The following CTNS variants were observed in gnomAD, a reference collection of about 807,000 sequenced individuals.
CTNS encodes the protein cystinosin.
A neutral mutation model predicts 43.7 loss-of-function variants in CTNS; 27 were observed. The ratio of observed to expected loss-of-function variants is 0.62; its 90% CI spans 0.46 to 0.85. The LOEUF (loss-of-function observed/expected upper bound fraction) is 0.85, where lower values mean the gene tolerates loss of function less well. Among genes scored for constraint, CTNS ranks in the 40% least tolerant of loss-of-function variants. The pLI is 0.00. For missense variants in CTNS, 457 were observed against 475.4 expected (o/e 0.96, Z 0.36); for synonymous variants, 187 against 190.6 (o/e 0.98, Z 0.16).
chr17:3,653,666 G>A (rs1336412378), intron 5 of CTNS, among the ~76,000 whole-genome samples: 2 of 151,980 alleles, frequency 1.3e-5, no homozygotes, highest in South Asian at 2.1e-4. Flanking sequence ...ACTTGAGGCT[G>A]GGAGTTTGAG....
intron 3 of CTNS, among the ~76,000 whole-genome samples, chr17:3,643,716 G>A (rs1000052522): frequency 1.3e-5 from 2 of 152,064 alleles, no homozygotes; most frequent in Admixed American, 6.6e-5. Context: ...GTAGACGTGC[G>A]CCACCACATC....
At chr17:3,656,453 C>A in intron 7 of CTNS, 34 bp from the exon 8 acceptor site, 2 of 1,440,612 alleles carry the variant, frequency 1.4e-6, no homozygotes, top group South Asian at 1.2e-5. Context: ...CAGTCTTCAC[C>A]CCCTGCCCTG....
In CTNS at chr17:3,662,814, T is replaced by C. The variant is rs1232822148; in HGVS notation, c.*2445T>C. On this transcript the variant is annotated 3_prime_UTR_variant, in exon 12 of 12. Coordinates refer to ENST00000046640, the MANE Select transcript of CTNS (RefSeq NM_004937.3). Reference sequence around the variant, plus strand: ...AGAACAGTGGGGGATGGGGCCATCATTAAAACCACAGCTCTGGCCCCAATA... The same window carrying C: ...AGAACAGTGGGGGATGGGGCCATCACTAAAACCACAGCTCTGGCCCCAATA... 6.6e-6 allele frequency: 1 copy of C among 152,066 alleles called. No individual in the cohort carries two copies. Among genetic ancestry groups the C allele is most frequent in the Non-Finnish European group, 1.5e-5 (1 of 68,004 alleles). 9.4% of individuals were successfully genotyped at this position (152,066 alleles called of 1,614,324 possible).
intron 3 of CTNS, among the ~76,000 whole-genome samples, chr17:3,642,682 C>T (rs2075749915): frequency 6.6e-6 from 1 of 151,892 alleles, no homozygotes; most frequent in Non-Finnish European, 1.5e-5. Flanking sequence ...AGCAATTCCC[C>T]ATCTCAAAAA....
intron 3 of CTNS, among the ~76,000 whole-genome samples, chr17:3,643,129 A>G (rs2075759931): frequency 6.6e-6 from 1 of 152,014 alleles, no homozygotes; most frequent in Non-Finnish European, 1.5e-5. Context: ...CCTGGCTAAC[A>G]TGGTGAAATC....
chr17:3,657,845 G>C, intron 9 of CTNS, 160 bp from the exon 10 acceptor site: 1 of 724,736 alleles, frequency 1.4e-6, no homozygotes, highest in Non-Finnish European at 2.4e-6. Context: ...ATGTTCCCCT[G>C]CCACAACCCC....
chr17:3,639,526 G>A (rs1025169175), intron 2 of CTNS, among the ~76,000 whole-genome samples: 3 of 151,924 alleles, frequency 2.0e-5, no homozygotes, highest in Non-Finnish European at 4.4e-5. Flanking sequence ...AAGTTAGCCG[G>A]GCATGGTGGG....
In CTNS at chr17:3,655,308, C is replaced by G; in HGVS notation, c.417C>G (p.Ser139=). The G allele has an allele frequency of 6.2e-7, 1 of 1,614,200 alleles. No homozygotes were observed. The highest frequency in any genetic ancestry group is 8.5e-7 in the Non-Finnish European group (1 of 1,180,042). The change falls in exon 7 of 12, where the codon TCC becomes TCG. Residue 139 remains serine, a synonymous_variant. Transcript: ENST00000046640. ...VIGWIYFVAW[S]ISFYPQVIMN... is the part of the protein sequence containing the mutation. ...GCTGGATCTACTTTGTGGCCTGGTC[C>G]ATCTCCTTCTACCCTCAGGTGATCA...
chr17:3,648,786 G>A, intron 4 of CTNS, 61 bp from the exon 5 acceptor site: 1 of 1,335,268 alleles, frequency 7.5e-7, no homozygotes, highest in Non-Finnish European at 1.1e-6. Flanking sequence ...GAAATCCAGA[G>A]GGTTGGTTGA....
In CTNS at chr17:3,655,047, A is replaced by G. The variant is rs1567709324; in HGVS notation, c.275A>G (p.Gln92Arg). The part of the protein sequence containing the change: ...VTNSSFQVTS[Q>R]NVGQLTVYLH... ...AACTCCTCTTTTCAAGTGACATCTC[A>G]AAATGTTGGACAACTTACTGTTTAT... Residue 92 changes from glutamine to arginine, a missense_variant, in exon 6 of 12, where the codon CAA becomes CGA. Coordinates refer to ENST00000046640, the MANE Select transcript of CTNS (RefSeq NM_004937.3). 6.2e-6 allele frequency: 10 copies of G among 1,614,042 alleles called. No individual in the cohort carries two copies. Among genetic ancestry groups the G allele is most frequent in the Non-Finnish European group, 8.5e-6 (10 of 1,179,872 alleles).
At chr17:3,650,075 CTTGA>C (rs1457080479) in intron 5 of CTNS, 228 of 1,457,382 alleles carry the variant, frequency 1.6e-4, no homozygotes, top group Non-Finnish European at 1.7e-4. Flanking sequence ...TATTAATTAG[CTTGA>C]TTTAGTCATT....
rs934653488 is a variant in CTNS at position 3,662,553 on chromosome 17, G to T, written c.*2184G>T. Among the ~76,000 whole-genome samples the T allele has an allele frequency of 1.2e-4, 18 of 152,102 alleles. No homozygotes were observed. The highest frequency in any genetic ancestry group is 3.1e-4 in the African/African-American group (13 of 41,414). On this transcript the variant is annotated 3_prime_UTR_variant, in exon 12 of 12. Coordinates refer to ENST00000046640, the MANE Select transcript of CTNS (RefSeq NM_004937.3). ...CAGGGGTCTCTCCCAGGCACCTCTGGGTGTCCCTACGGCCCCTCCCAGGTG... is the reference window on the plus strand; with the variant it reads ...CAGGGGTCTCTCCCAGGCACCTCTGTGTGTCCCTACGGCCCCTCCCAGGTG...
intron 2 of CTNS, among the ~76,000 whole-genome samples, chr17:3,638,240 T>G (rs7213235): frequency 0.25 from 15,224 of 61,956 alleles, 2,561 homozygotes; most frequent in African/African-American, 0.51. Context: ...TTTTTTTGTT[T>G]TTTTTTTTTA....
At chr17:3,647,089 C>T (rs763353315) in intron 3 of CTNS, among the ~76,000 whole-genome samples, 45 of 152,324 alleles carry the variant, frequency 3.0e-4, no homozygotes, top group Non-Finnish European at 5.3e-4. Context: ...AGGTGGTTCA[C>T]GGCTGCCTTT....
At chr17:3,656,936 C>CGTCT in intron 9 of CTNS, 141 bp downstream of exon 9, 1 of 1,371,382 alleles carries the variant, frequency 7.3e-7, no homozygotes, top group Non-Finnish European at 1.0e-6. Context: ...GCATAGAAGA[C>CGTCT]ACCCATGAGT....
In CTNS at chr17:3,656,764, T is replaced by C; in HGVS notation, c.650T>C (p.Leu217Pro). ...AGCCTGCACGCGGTTGTCCTCACGC[T>C]GATCATCATCGTGCAGTGCTGCCTG... is the stretch of plus-strand genomic sequence containing the variant. ...FFSLHAVVLT[L>P]IIIVQCCLYE... The change falls in exon 9 of 12, where the codon CTG becomes CCG. Residue 217 changes from leucine to proline, a missense_variant. Transcript: ENST00000046640. 6.2e-7 allele frequency: 1 copy of C among 1,613,356 alleles called. No individual in the cohort carries two copies. Among genetic ancestry groups the C allele is most frequent in the Non-Finnish European group, 8.5e-7 (1 of 1,179,950 alleles).
chr17:3,641,403 T>TTTTTA (rs2075703109), intron 3 of CTNS, among the ~76,000 whole-genome samples: 1 of 113,590 alleles, frequency 8.8e-6, no homozygotes, highest in East Asian at 2.9e-4. Flanking sequence ...TTTTTTTTTT[T>TTTTTA]TTTTTTGAGA....
chr17:3,641,384 A>ATTT (rs869072123), intron 3 of CTNS, among the ~76,000 whole-genome samples: 31 of 31,214 alleles, frequency 9.9e-4, no homozygotes, highest in South Asian at 2.0e-3. Flanking sequence ...ATATATATAT[A>ATTT]TTTTTTTTTT....
In CTNS at chr17:3,652,846, T is replaced by C. The variant is rs139597964; in HGVS notation, c.226-2152T>C. ...GCACATGTTATGAAGATGTACCTTG[T>C]GAGACGTGGACGTAAGTTGGACTCC... On this transcript the variant is annotated intron_variant, in intron 5 of 11. Transcript: ENST00000046640. Among the ~76,000 whole-genome samples the C allele has an allele frequency of 7.8e-3, 1,184 of 152,312 alleles. 12 individuals are homozygous for C. Among genetic ancestry groups the C allele is most frequent in the African/African-American group, 0.027 (1,125 of 41,564 alleles).
Sources: gnomAD v4.1 joint callset for allele counts (sites outside exome capture counted in the v4.1 genomes callset) on GRCh38, gnomAD v4.1.1 for gene constraint, MANE v1.5 for transcripts, NCBI Gene and HGNC (gene_info 2026-07-23, HGNC 2026-07-21) for gene names.